Variants in INPP4B observed in about 807,000 individuals in gnomAD.
The protein encoded by INPP4B is inositol polyphosphate 4-phosphatase type II.
A neutral mutation model predicts 122.5 loss-of-function variants in INPP4B; 55 were observed. The observed-to-expected ratio is 0.45, with a 90% CI of 0.36 to 0.56. INPP4B has a LOEUF of 0.56. Among genes scored for constraint, INPP4B ranks in the 20% least tolerant of loss-of-function variants. The probability of loss-of-function intolerance (pLI) is 0.00; values close to 1 mark genes in which losing one functional copy is unlikely to be tolerated. For missense variants in INPP4B, 1,000 were observed against 1,097.7 expected, an observed-to-expected ratio of 0.91 and a Z score of 1.26; for synonymous variants, 403 against 388.7, an observed-to-expected ratio of 1.04 and a Z score of -0.43.
intron 9 of INPP4B, among the ~76,000 whole-genome samples, chr4:142,289,015 TCTTA>T (rs1211760990): frequency 3.3e-5 from 5 of 152,218 alleles, no homozygotes; most frequent in African/African-American, 1.2e-4. Context: ...AGTTACTCTT[TCTTA>T]CTTTCAATGT....
chr4:142,565,968 G>A (rs555973568), intron 2 of INPP4B: 5 of 152,156 alleles, frequency 3.3e-5, no homozygotes, highest in South Asian at 2.1e-4. Context: ...ACACACCAAC[G>A]TACGTACACT....
At chr4:142,624,419 GTTT>G (rs1045986187) in intron 2 of INPP4B, among the ~76,000 whole-genome samples, 1 of 151,534 alleles carries the variant, frequency 6.6e-6, no homozygotes, top group Non-Finnish European at 1.5e-5. Flanking sequence ...GGGGTTGTTT[GTTT>G]TTTTCTTGTA....
intron 7 of INPP4B, among the ~76,000 whole-genome samples, chr4:142,332,341 T>G (rs1238489940): frequency 1.3e-5 from 2 of 152,144 alleles, no homozygotes; most frequent in Non-Finnish European, 2.9e-5. Flanking sequence ...CAGCTAGACA[T>G]TTAGTACAGA....
At chr4:142,080,812 C>T (rs1773531696) in intron 25 of INPP4B, among the ~76,000 whole-genome samples, 1 of 152,140 alleles carries the variant, frequency 6.6e-6, no homozygotes, top group Non-Finnish European at 1.5e-5. Context: ...CACCAAGCAC[C>T]TTTGTTCCAT....
intron 2 of INPP4B, among the ~76,000 whole-genome samples, chr4:142,509,102 T>C (rs535506595): frequency 6.6e-6 from 1 of 152,308 alleles, no homozygotes; most frequent in East Asian, 1.9e-4. Context: ...ACCAATACAA[T>C]TTACAGAGTA....
At chr4:142,224,902 T>A (rs1007627608) in intron 12 of INPP4B, among the ~76,000 whole-genome samples, 5 of 152,168 alleles carry the variant, frequency 3.3e-5, no homozygotes, top group Non-Finnish European at 7.3e-5. Context: ...CATAAAATGT[T>A]ATATTTAAAG....
chr4:142,249,124 T>C (rs1672838057), intron 11 of INPP4B, among the ~76,000 whole-genome samples: 1 of 152,128 alleles, frequency 6.6e-6, no homozygotes, highest in Non-Finnish European at 1.5e-5. Context: ...CACATATTTA[T>C]GACTAATAGC....
At chr4:142,651,854 C>A (rs1268929789) in intron 2 of INPP4B, among the ~76,000 whole-genome samples, 1 of 152,132 alleles carries the variant, frequency 6.6e-6, no homozygotes, top group African/African-American at 2.4e-5. Flanking sequence ...AAGAAGGAAT[C>A]CTCTCTAACT....
At position 142,545,815 on chromosome 4, in the gene INPP4B, A is replaced by ACATATATG. The variant is rs1467161064; in HGVS notation, c.-190-83090_-190-83089insCATATATG. On this transcript the variant is annotated intron_variant, in intron 2 of 25. Transcript: ENST00000262992. ...TGTGTGTATATATATACACATATAC[A>ACATATATG]TGTGTGTATATATATATATATAAAA... Among the ~76,000 whole-genome samples, 15 of 58,368 alleles carry ACATATATG rather than the reference A, an allele frequency of 2.6e-4. 1 individual carries two copies. Among genetic ancestry groups the ACATATATG allele is most frequent in the African/African-American group, 6.1e-4 (13 of 21,424 alleles). 38.3% of individuals were successfully genotyped at this position (58,368 alleles called of 152,430 possible).
chr4:142,454,951 T>G (rs1432132872), intron 3 of INPP4B, among the ~76,000 whole-genome samples: 1 of 152,064 alleles, frequency 6.6e-6, no homozygotes, highest in East Asian at 1.9e-4. Flanking sequence ...AGTTAAAATT[T>G]GGAGAAGTTA....
intron 3 of INPP4B, among the ~76,000 whole-genome samples, chr4:142,439,196 G>A (rs927222523): frequency 6.6e-6 from 1 of 152,114 alleles, no homozygotes; most frequent in African/African-American, 2.4e-5. Flanking sequence ...CCTGTTGCGG[G>A]ATTTTGCTAA....
At chr4:142,468,397 A>C (rs1028563547) in intron 2 of INPP4B, among the ~76,000 whole-genome samples, 1 of 152,224 alleles carries the variant, frequency 6.6e-6, no homozygotes, top group Non-Finnish European at 1.5e-5. Context: ...GAGATCAAGG[A>C]GAGATCATGC....
At chr4:142,784,192 G>T (rs1258270228) in intron 1 of INPP4B, among the ~76,000 whole-genome samples, 1 of 151,726 alleles carries the variant, frequency 6.6e-6, no homozygotes, top group Non-Finnish European at 1.5e-5. Context: ...GTGAAACCCC[G>T]TCTCTACTAA....
chr4:142,579,874 GGTAGGTAGATAGATAGATAGA>G (rs1734658007), intron 2 of INPP4B, among the ~76,000 whole-genome samples: 11 of 119,844 alleles, frequency 9.2e-5, no homozygotes, highest in African/African-American at 3.6e-4. Flanking sequence ...TAGATAGATA[GGTAGGTAGATAGATAGATAGA>G]TAGATAGATA....
At chr4:142,616,109 A>G (rs979284050) in intron 2 of INPP4B, among the ~76,000 whole-genome samples, 1 of 151,996 alleles carries the variant, frequency 6.6e-6, no homozygotes, top group African/African-American at 2.4e-5. Flanking sequence ...GCAGAACTAC[A>G]TAAAAACAAA....
chr4:142,710,489 T>C (rs1481599335), intron 2 of INPP4B, among the ~76,000 whole-genome samples: 1 of 152,182 alleles, frequency 6.6e-6, no homozygotes, highest in Non-Finnish European at 1.5e-5. Flanking sequence ...GAGTGGGTTA[T>C]AAAATCAATT....
At chr4:142,810,062 C>T (rs1779314048) in intron 1 of INPP4B, among the ~76,000 whole-genome samples, 1 of 149,784 alleles carries the variant, frequency 6.7e-6, no homozygotes, top group Non-Finnish European at 1.5e-5. Context: ...CCCAGCTACT[C>T]GGGGGGCTGA....
At chr4:142,464,034 T>G (rs920823922) in intron 2 of INPP4B, among the ~76,000 whole-genome samples, 6 of 152,142 alleles carry the variant, frequency 3.9e-5, no homozygotes, top group Non-Finnish European at 8.8e-5. Flanking sequence ...TATTATTATA[T>G]AGAGAGAATT....
chr4:142,573,156 AG>A (rs1733176983), intron 2 of INPP4B, among the ~76,000 whole-genome samples: 1 of 151,926 alleles, frequency 6.6e-6, no homozygotes, highest in Admixed American at 6.6e-5. Flanking sequence ...GCAAGAGCTA[AG>A]GGGGAAAGTG....
Sources: allele counts gnomAD v4.1 joint callset (sites outside exome capture counted in the v4.1 genomes callset), GRCh38; gene constraint gnomAD v4.1.1; transcripts MANE v1.5; gene names NCBI Gene and HGNC (gene_info 2026-07-23, HGNC 2026-07-21).